The following TRPM3 variants were observed in gnomAD, a reference collection of about 807,000 sequenced individuals.
TRPM3 encodes the protein long transient receptor potential channel 3.
TRPM3 carries 77 observed loss-of-function variants against 181.2 expected under a neutral mutation model. The ratio of observed to expected loss-of-function variants is 0.42; its 90% CI spans 0.35 to 0.51. The LOEUF is 0.51. TRPM3 is among the 20% of genes least tolerant of loss of function. TRPM3 has a pLI of 0.01. For synonymous variants in TRPM3, 745 were observed against 796.4 expected, an observed-to-expected ratio of 0.94 and a Z score of 1.09; for missense variants, 1,759 against 2,196.7, an observed-to-expected ratio of 0.80 and a Z score of 3.98.
chr9:71,446,547 T>G (rs2094206636), intron 1 of TRPM3: 2 of 1,195,766 alleles, frequency 1.7e-6, no homozygotes, highest in Non-Finnish European at 2.3e-6. Context: ...ACAAGTTCCC[T>G]GGCTCTCACC....
chr9:70,744,401 T>G (rs1403134841), intron 8 of TRPM3, among the ~76,000 whole-genome samples: 1 of 152,074 alleles, frequency 6.6e-6, no homozygotes, highest in Non-Finnish European at 1.5e-5. Context: ...TTCATTTGTA[T>G]AGTCTTCCCC....
At chr9:70,780,945 G>T (rs899789321) in intron 7 of TRPM3, among the ~76,000 whole-genome samples, 2 of 152,068 alleles carry the variant, frequency 1.3e-5, no homozygotes, top group African/African-American at 2.4e-5. Context: ...ATTGTTCACA[G>T]TTGGTGTAGA....
intron 1 of TRPM3, among the ~76,000 whole-genome samples, chr9:71,135,883 T>A (rs1164534192): frequency 1.3e-5 from 2 of 152,220 alleles, no homozygotes; most frequent in African/African-American, 4.8e-5. Context: ...AAACATTATT[T>A]ATTGTTTGCT....
At chr9:71,220,356 T>TTTTTTATTATTATTATTA (rs376042167) in intron 1 of TRPM3, among the ~76,000 whole-genome samples, 1 of 145,928 alleles carries the variant, frequency 6.9e-6, no homozygotes, top group African/African-American at 2.5e-5. Flanking sequence ...AAAAGTCTGA[T>TTTTTTATTATTATTATTA]TTATTATTAT....
In TRPM3 at chr9:70,631,914, C is replaced by T. The variant is rs189058973; in HGVS notation, c.1632+3297G>A. Among the ~76,000 whole-genome samples the T allele has an allele frequency of 2.0e-3, 303 of 152,218 alleles. 2 individuals carry two copies. Among genetic ancestry groups the T allele is most frequent in the Non-Finnish European group, 3.2e-3 (216 of 68,010 alleles). On this transcript the variant is annotated intron_variant, in intron 12 of 25. Transcript: ENST00000677713. ...GGTCTGATAATTCCTCAATGCATTCCTTTGGTTCTTAAGAGTTATTTACAT... is the reference window on the plus strand; with the variant it reads ...GGTCTGATAATTCCTCAATGCATTCTTTTGGTTCTTAAGAGTTATTTACAT...
chr9:70,644,339 C>A (rs529059115), intron 9 of TRPM3, among the ~76,000 whole-genome samples: 8 of 152,294 alleles, frequency 5.3e-5, no homozygotes, highest in South Asian at 2.1e-4. Context: ...GGCTACCCGA[C>A]CTTGCATGTC....
intron 7 of TRPM3, among the ~76,000 whole-genome samples, chr9:70,780,245 A>G (rs891680425): frequency 1.3e-5 from 2 of 152,182 alleles, no homozygotes; most frequent in African/African-American, 4.8e-5. Flanking sequence ...GATCTGTATT[A>G]TTTAAGAATC....
intron 1 of TRPM3, among the ~76,000 whole-genome samples, chr9:71,383,741 C>T (rs1265980747): frequency 6.6e-6 from 1 of 152,184 alleles, no homozygotes; most frequent in African/African-American, 2.4e-5. Context: ...TCTTACCAAG[C>T]AGGTCTCAAA....
chr9:70,665,268 T>C (rs529214040), intron 9 of TRPM3, among the ~76,000 whole-genome samples: 29 of 152,122 alleles, frequency 1.9e-4, no homozygotes, highest in Non-Finnish European at 3.5e-4. Context: ...TGAAGAACTG[T>C]TCTTAGTTTC....
intron 1 of TRPM3, among the ~76,000 whole-genome samples, chr9:71,294,755 C>G (rs2086114008): frequency 6.6e-6 from 1 of 152,076 alleles, no homozygotes; most frequent in Admixed American, 6.6e-5. Flanking sequence ...GATGACAGAG[C>G]ATTAAATTGT....
At chr9:71,022,847 T>C (rs966050305) in intron 1 of TRPM3, among the ~76,000 whole-genome samples, 1 of 151,784 alleles carries the variant, frequency 6.6e-6, no homozygotes, top group East Asian at 1.9e-4. Flanking sequence ...AAAAAATAAA[T>C]AAAATAAAAT....
chr9:70,619,124 T>C (rs1188350841), intron 16 of TRPM3, 29 bp from the exon 17 acceptor site: 2 of 1,589,788 alleles, frequency 1.3e-6, no homozygotes, highest in East Asian at 2.2e-5. Context: ...GGAAGAGTCC[T>C]TCAGGTCAGC....
chr9:71,097,749 G>A (rs2067572595), intron 1 of TRPM3, among the ~76,000 whole-genome samples: 1 of 152,064 alleles, frequency 6.6e-6, no homozygotes, highest in African/African-American at 2.4e-5. Flanking sequence ...CATCCTAGGT[G>A]ACAAAATCAC....
intron 1 of TRPM3, among the ~76,000 whole-genome samples, chr9:71,128,123 G>C (rs1329745): frequency 0.33 from 49,692 of 152,110 alleles, 9,400 homozygotes; most frequent in Middle Eastern, 0.47. Flanking sequence ...CACATGAGAA[G>C]AGACCCACCT....
At chr9:70,964,461 GT>G (rs1325319543) in intron 1 of TRPM3, among the ~76,000 whole-genome samples, 2 of 152,058 alleles carry the variant, frequency 1.3e-5, no homozygotes, top group Non-Finnish European at 2.9e-5. Context: ...TTTTTTACTT[GT>G]GGTTCCTCAT....
intron 1 of TRPM3, among the ~76,000 whole-genome samples, chr9:71,227,624 TA>T (rs35130738): frequency 0.15 from 22,823 of 149,504 alleles, 1,727 homozygotes; most frequent in South Asian, 0.22. Flanking sequence ...AGGATCCAAA[TA>T]AAAAAAAATC....
At chr9:71,253,983 G>C (rs1189311100) in intron 1 of TRPM3, among the ~76,000 whole-genome samples, 2 of 152,106 alleles carry the variant, frequency 1.3e-5, no homozygotes, top group Non-Finnish European at 2.9e-5. Context: ...GCAGTGGTGC[G>C]ATCTTGGCTC....
chr9:70,949,600 T>A (rs1409073139), intron 1 of TRPM3, among the ~76,000 whole-genome samples: 1 of 151,810 alleles, frequency 6.6e-6, no homozygotes, highest in African/African-American at 2.4e-5. Flanking sequence ...GGTACAATCA[T>A]AACTCGTCAT....
At chr9:70,839,379 T>C (rs1412279160) in intron 5 of TRPM3, among the ~76,000 whole-genome samples, 1 of 152,122 alleles carries the variant, frequency 6.6e-6, no homozygotes, top group Non-Finnish European at 1.5e-5. Context: ...AGAAGCACAC[T>C]CAAGGACAAG....
Sources: allele counts gnomAD v4.1 joint callset (sites outside exome capture counted in the v4.1 genomes callset), GRCh38; gene constraint gnomAD v4.1.1; transcripts MANE v1.5; gene names NCBI Gene and HGNC (gene_info 2026-07-23, HGNC 2026-07-21).